KCNIP1: variants seen among roughly 807,000 people sequenced by gnomAD.
KCNIP1 encodes A-type potassium channel modulatory protein KCNIP1.
Under a neutral mutation model 33.0 loss-of-function variants are expected in KCNIP1, and 18 were observed. That is an observed-to-expected ratio of 0.55 (90% CI 0.38 to 0.81). The LOEUF (loss-of-function observed/expected upper bound fraction) is 0.81. Among genes scored for constraint, KCNIP1 ranks in the 30% least tolerant of loss-of-function variants. The probability of loss-of-function intolerance (pLI) is 0.00; values close to 1 mark genes in which losing one functional copy is unlikely to be tolerated. For synonymous variants in KCNIP1, 93 were observed against 98.3 expected (o/e 0.95, Z 0.32); for missense variants, 238 against 271.6 (o/e 0.88, Z 0.87).
At chr5:170,631,490 C>G (rs953553855) in intron 1 of KCNIP1, among the ~76,000 whole-genome samples, 2 of 152,048 alleles carry the variant, frequency 1.3e-5, no homozygotes, top group African/African-American at 2.4e-5. Context: ...AGCTCCAGAC[C>G]CAAGCAGGAG....
chr5:170,628,051 G>A (rs115847149), intron 1 of KCNIP1, among the ~76,000 whole-genome samples: 299 of 152,356 alleles, frequency 2.0e-3, no homozygotes, highest in Non-Finnish European at 3.5e-3. Flanking sequence ...GCTTTGCAGA[G>A]AAGTGAGTGG....
chr5:170,386,686 G>GC (rs1705218439), intron 1 of KCNIP1, among the ~76,000 whole-genome samples: 1 of 143,930 alleles, frequency 6.9e-6, no homozygotes, highest in Non-Finnish European at 1.5e-5. Flanking sequence ...ATATTCCGGT[G>GC]TTTTTTTTTT....
chr5:170,482,634 C>T (rs1245622708), intron 1 of KCNIP1, among the ~76,000 whole-genome samples: 1 of 152,120 alleles, frequency 6.6e-6, no homozygotes, highest in Non-Finnish European at 1.5e-5. Context: ...AGCCATAGCT[C>T]CCAGACATTC....
intron 1 of KCNIP1, among the ~76,000 whole-genome samples, chr5:170,533,152 C>A (rs12652039): frequency 0.25 from 37,329 of 151,988 alleles, 6,075 homozygotes; most frequent in African/African-American, 0.47. Context: ...GCGTGGAACA[C>A]CCTGCCTGCA....
chr5:170,571,847 A>G (rs1011446225), intron 1 of KCNIP1, among the ~76,000 whole-genome samples: 4 of 152,204 alleles, frequency 2.6e-5, no homozygotes, highest in Non-Finnish European at 4.4e-5. Context: ...TTCGCCTACA[A>G]AATACCGAAG....
Position 170,735,925 on chromosome 5 carries a change from A to C in KCNIP1, c.*119A>C. The C allele has an allele frequency of 3.6e-6, 3 of 844,102 alleles. No homozygotes were observed. The highest frequency in any genetic ancestry group is 5.8e-6 in the Non-Finnish European group (3 of 520,002). The allele number at this position is 844,102 out of a possible 1,614,324, so 52.3% of individuals were successfully genotyped here. A position where few individuals can be genotyped will look rare whatever the true frequency, so the allele number is the denominator to read the frequency against. ...CTCTTGGGACAGAAACACCTTTTAC[A>C]CTTTGGAAGAATTCTCTGCTGAAGA... On this transcript the variant is annotated 3_prime_UTR_variant, in exon 8 of 8. Transcript: ENST00000328939.
At chr5:170,398,656 T>C (rs1422739580) in intron 1 of KCNIP1, among the ~76,000 whole-genome samples, 1 of 152,234 alleles carries the variant, frequency 6.6e-6, no homozygotes. Context: ...TTTAGACCAT[T>C]CTAACTGTCC....
At chr5:170,390,517 A>AAAAATATATATATATAT in intron 1 of KCNIP1, among the ~76,000 whole-genome samples, 4 of 74,544 alleles carry the variant, frequency 5.4e-5, no homozygotes, top group Admixed American at 1.5e-4. Flanking sequence ...AAAAAAAACA[A>AAAAATATATATATATAT]ATATATATAT....
At chr5:170,382,394 A>G (rs531302346) in intron 1 of KCNIP1, among the ~76,000 whole-genome samples, 43 of 152,234 alleles carry the variant, frequency 2.8e-4, no homozygotes, top group African/African-American at 1.0e-3. Flanking sequence ...CTTGAGACAT[A>G]CACACTCACA....
At chr5:170,392,795 G>C (rs1399507629) in intron 1 of KCNIP1, among the ~76,000 whole-genome samples, 1 of 152,212 alleles carries the variant, frequency 6.6e-6, no homozygotes, top group Non-Finnish European at 1.5e-5. Flanking sequence ...CTGTACTCCA[G>C]CCTGGGCGAC....
At chr5:170,574,792 C>T (rs1303890135) in intron 1 of KCNIP1, among the ~76,000 whole-genome samples, 7 of 152,206 alleles carry the variant, frequency 4.6e-5, no homozygotes, top group Non-Finnish European at 7.3e-5. Flanking sequence ...CATACTCACA[C>T]TGGGACCACA....
At chr5:170,535,214 A>T (rs936520357) in intron 1 of KCNIP1, among the ~76,000 whole-genome samples, 1 of 152,126 alleles carries the variant, frequency 6.6e-6, no homozygotes, top group Non-Finnish European at 1.5e-5. Context: ...CAGAGACGTT[A>T]GGAGGGAGGC....
intron 5 of KCNIP1, among the ~76,000 whole-genome samples, chr5:170,725,233 T>G (rs6875006): frequency 0.75 from 113,967 of 152,078 alleles, 42,812 homozygotes; most frequent in East Asian, 0.86. Flanking sequence ...TCCCATGTTT[T>G]TTGCAGATCT....
rs142854705 is a variant in KCNIP1 at position 170,537,076 on chromosome 5, C to T, written c.61+32443C>T. 2.2e-3 allele frequency among the ~76,000 whole-genome samples: 341 copies of T among 152,312 alleles called. 1 individual carries two copies. The highest frequency in any genetic ancestry group is 7.9e-3 in the African/African-American group (329 of 41,576). On this transcript the variant is annotated intron_variant, in intron 1 of 7. Coordinates refer to ENST00000328939, the MANE Select transcript of KCNIP1 (RefSeq NM_014592.4). ...CTCTCCCGGGACACCCCCTCAGGTCCGTCCTTGTGCCACAGGCCACCTCAC... is the reference window on the plus strand; with the variant it reads ...CTCTCCCGGGACACCCCCTCAGGTCTGTCCTTGTGCCACAGGCCACCTCAC...
chr5:170,707,111 T>G (rs1763280969), intron 1 of KCNIP1, among the ~76,000 whole-genome samples: 1 of 149,942 alleles, frequency 6.7e-6, no homozygotes, highest in Admixed American at 6.7e-5. Flanking sequence ...TTTGACTAAT[T>G]GCCTCCTAGA....
At chr5:170,353,771 C>A in exon 1 of KCNIP1, 1 of 970,676 alleles carries the variant, frequency 1.0e-6, no homozygotes, top group Non-Finnish European at 1.6e-6. Context: ...GTGCATCCGT[C>A]ACTCAGGGTT....
chr5:170,400,111 G>A (rs983762755), intron 1 of KCNIP1, among the ~76,000 whole-genome samples: 2 of 152,148 alleles, frequency 1.3e-5, no homozygotes, highest in Non-Finnish European at 1.5e-5. Flanking sequence ...ACAGCCTCTC[G>A]TGAGTGCCAG....
chr5:170,572,373 G>T (rs1020538808), intron 1 of KCNIP1, among the ~76,000 whole-genome samples: 3 of 152,152 alleles, frequency 2.0e-5, no homozygotes, highest in Admixed American at 2.0e-4. Context: ...GATGGACCCC[G>T]GTGGGACCTC....
At chr5:170,604,266 G>A (rs6877169) in intron 1 of KCNIP1, among the ~76,000 whole-genome samples, 112,239 of 152,014 alleles carry the variant, frequency 0.74, 42,354 homozygotes, top group Non-Finnish European at 0.81. Context: ...CTGAAACCCA[G>A]CTGAAATGGA....
Sources: gnomAD v4.1 joint callset for allele counts (sites outside exome capture counted in the v4.1 genomes callset) on GRCh38, gnomAD v4.1.1 for gene constraint, MANE v1.5 for transcripts, NCBI Gene and HGNC (gene_info 2026-07-23, HGNC 2026-07-21) for gene names.